The following KIRREL3 variants were observed in gnomAD, a reference collection of about 807,000 sequenced individuals.
The protein encoded by KIRREL3 is kirre like nephrin family adhesion molecule 3.
Under a neutral mutation model 89.7 loss-of-function variants are expected in KIRREL3, and 36 were observed. The observed-to-expected ratio is 0.40, with a 90% CI of 0.31 to 0.53. The LOEUF (loss-of-function observed/expected upper bound fraction) is 0.53, where lower values mean the gene tolerates loss of function less well. KIRREL3 is among the 20% of genes least tolerant of loss of function. KIRREL3 has a pLI of 0.49. For missense variants in KIRREL3, 864 were observed against 1,056.6 expected, an observed-to-expected ratio of 0.82 and a Z score of 2.53; for synonymous variants, 445 against 441.4, an observed-to-expected ratio of 1.01 and a Z score of -0.10.
At position 126,647,818 on chromosome 11, in the gene KIRREL3, G is replaced by A. The variant is rs574017879; in HGVS notation, c.56-84906C>T. On this transcript the variant is annotated intron_variant, in intron 1 of 16. Transcript: ENST00000525144. This position sits in a 1 kb window ranked among gnomAD's most constrained non-coding sequence, Gnocchi z 4.9. ...AGGGAGCCGTTCCTTTGTTCAGAAC[G>A]GTGCAGAGCATTCCATCTCACTGAG... Among the ~76,000 whole-genome samples, 177 of 152,266 alleles carry A rather than the reference G, an allele frequency of 1.2e-3. 1 individual carries two copies. The highest frequency in any genetic ancestry group is 4.2e-3 in the African/African-American group (174 of 41,550).
chr11:126,519,272 C>T lies in KIRREL3; in HGVS notation c.433+2043G>A, dbSNP rs1391580904. Among the ~76,000 whole-genome samples, 2 of 152,190 alleles carry T rather than the reference C, an allele frequency of 1.3e-5. No homozygotes were observed. The highest frequency in any genetic ancestry group is 2.9e-5 in the Non-Finnish European group (2 of 68,026). On this transcript the variant is annotated intron_variant, in intron 4 of 16. Coordinates refer to ENST00000525144, the MANE Select transcript of KIRREL3 (RefSeq NM_032531.4). This position sits in a 1 kb window ranked among gnomAD's most constrained non-coding sequence, Gnocchi z 4.3. ...CCCTGCTCTGAGAAGCCTGGCCCCT[C>T]ACCAGCCAGACAGATGAGATGCTGC... is the stretch of plus-strand genomic sequence containing the variant.
intron 11 of KIRREL3, 46 bp downstream of exon 11, chr11:126,440,403 T>C (rs1955514555): frequency 5.3e-6 from 8 of 1,520,818 alleles, no homozygotes; most frequent in Admixed American, 2.0e-5. Context: ...AAAGTGACTG[T>C]TGGGCTGCTG....
At chr11:126,649,331 A>G (rs1357800210) in intron 1 of KIRREL3, among the ~76,000 whole-genome samples, 1 of 152,108 alleles carries the variant, frequency 6.6e-6, no homozygotes. Context: ...TCAGTCCCCC[A>G]AATTCTTAAC....
At chr11:126,851,636 A>G (rs1486900275) in intron 1 of KIRREL3, among the ~76,000 whole-genome samples, 2 of 151,976 alleles carry the variant, frequency 1.3e-5, no homozygotes, top group African/African-American at 4.8e-5. Context: ...ACCAAGACCA[A>G]GGTGTCTTTA....
At chr11:126,661,216 T>A (rs1240348635) in intron 1 of KIRREL3, among the ~76,000 whole-genome samples, 1 of 152,190 alleles carries the variant, frequency 6.6e-6, no homozygotes, top group African/African-American at 2.4e-5. Flanking sequence ...AGACACTGTG[T>A]CTCAGAAAAA....
Position 126,965,690 on chromosome 11 carries a change from T to A in KIRREL3, c.55+34765A>T, listed in dbSNP as rs1487853296. Among the ~76,000 whole-genome samples the A allele has an allele frequency of 6.6e-6, 1 of 152,222 alleles. No individual in the cohort carries two copies. Among genetic ancestry groups the A allele is most frequent in the Non-Finnish European group, 1.5e-5 (1 of 68,042 alleles). On this transcript the variant is annotated intron_variant, in intron 1 of 16. Transcript: ENST00000525144. This position sits in a 1 kb window ranked among gnomAD's most constrained non-coding sequence, Gnocchi z 4.4. ...AATCGAAACCTCAGCCAAAAGAAGA[T>A]CAATAAATATTATTTCCTTCTGACT...
rs758962883 is a variant in KIRREL3, at chr11:126,601,803, G to A, written c.56-38891C>T. 1.3e-5 allele frequency among the ~76,000 whole-genome samples: 2 copies of A among 152,142 alleles called. No individual in the cohort carries two copies. The highest frequency in any genetic ancestry group is 2.9e-5 in the Non-Finnish European group (2 of 68,038). On this transcript the variant is annotated intron_variant, in intron 1 of 16. Transcript: ENST00000525144. The surrounding 1 kb of genome is among the most constrained non-coding windows in gnomAD (Gnocchi z 5.8). ...CCATCCCCTGCCGCGTCCATTTCTA[G>A]GAGCTCCATTCCCTCGTGCCATCTC...
intron 6 of KIRREL3, among the ~76,000 whole-genome samples, chr11:126,457,583 T>G (rs916201436): frequency 2.0e-5 from 3 of 151,634 alleles, no homozygotes; most frequent in Non-Finnish European, 2.9e-5. Context: ...GGGAGAGACA[T>G]GGGCAGAGAG....
intron 1 of KIRREL3, among the ~76,000 whole-genome samples, chr11:126,718,073 A>G (rs900423601): frequency 2.6e-5 from 4 of 152,260 alleles, no homozygotes; most frequent in African/African-American, 9.6e-5. Context: ...TGGGTAAGAG[A>G]TTCAATGATC....
intron 1 of KIRREL3, among the ~76,000 whole-genome samples, chr11:126,700,031 A>C (rs1034273825): frequency 6.6e-6 from 1 of 152,110 alleles, no homozygotes; most frequent in Non-Finnish European, 1.5e-5. Context: ...CCATCTTTAC[A>C]AAAAATAAAA....
At chr11:126,596,746 A>G (rs370834125) in intron 1 of KIRREL3, among the ~76,000 whole-genome samples, 3 of 152,352 alleles carry the variant, frequency 2.0e-5, no homozygotes, top group East Asian at 3.9e-4. Context: ...TCTTGAGCCC[A>G]GCTTTCTTCT....
intron 1 of KIRREL3, among the ~76,000 whole-genome samples, chr11:126,626,051 A>C (rs567545701): frequency 6.6e-6 from 1 of 152,234 alleles, no homozygotes; most frequent in Non-Finnish European, 1.5e-5. Context: ...CACTGAATGG[A>C]TGAATGGATT....
rs1412711529 is a variant in KIRREL3 at position 126,612,147 on chromosome 11, A to G, written c.56-49235T>C. Among the ~76,000 whole-genome samples the G allele has an allele frequency of 6.6e-6, 1 of 152,102 alleles. No individual in the cohort carries two copies. Among genetic ancestry groups the G allele is most frequent in the Non-Finnish European group, 1.5e-5 (1 of 68,026 alleles). ...CTCCAAGAGGGCAAGGAGTGTGTCT[A>G]TTTGTTCACTACAGTATTATATGAA... On this transcript the variant is annotated intron_variant, in intron 1 of 16. Transcript: ENST00000525144. The surrounding 1 kb of genome is among the most constrained non-coding windows in gnomAD (Gnocchi z 4.5).
intron 1 of KIRREL3, among the ~76,000 whole-genome samples, chr11:126,598,121 T>G (rs1435219850): frequency 6.6e-6 from 1 of 152,266 alleles, no homozygotes; most frequent in Non-Finnish European, 1.5e-5. Context: ...CGCCAATGTC[T>G]GAAGAGCGGG....
At position 126,981,858 on chromosome 11, in the gene KIRREL3, C is replaced by A. The variant is rs1949730680; in HGVS notation, c.55+18597G>T. 6.6e-6 allele frequency among the ~76,000 whole-genome samples: 1 copy of A among 152,194 alleles called. No homozygotes were observed. The highest frequency in any genetic ancestry group is 1.5e-5 in the Non-Finnish European group (1 of 68,032). On this transcript the variant is annotated intron_variant, in intron 1 of 16. Transcript: ENST00000525144. The surrounding 1 kb of genome is among the most constrained non-coding windows in gnomAD (Gnocchi z 4.2). ...TCTGAGCTTCTGTAGCACACACTCC[C>A]TTGCTTGGGGGCTCTGCTGGGATGA...
rs1394907170 is a variant in KIRREL3, at chr11:126,791,840, C to T, written c.55+208615G>A. On this transcript the variant is annotated intron_variant, in intron 1 of 16. Coordinates refer to ENST00000525144, the MANE Select transcript of KIRREL3 (RefSeq NM_032531.4). This position sits in a 1 kb window ranked among gnomAD's most constrained non-coding sequence, Gnocchi z 4.8. Reference sequence around the variant, plus strand: ...AGTTGTGGGGCTGTAGGGGCGGTTTCTCAGAGTGTGAGGTATGGGAATGTG... The same window carrying T: ...AGTTGTGGGGCTGTAGGGGCGGTTTTTCAGAGTGTGAGGTATGGGAATGTG... Among the ~76,000 whole-genome samples the T allele has an allele frequency of 6.6e-6, 1 of 152,168 alleles. No individual in the cohort carries two copies. The highest frequency in any genetic ancestry group is 2.4e-5 in the African/African-American group (1 of 41,440).
intron 8 of KIRREL3, among the ~76,000 whole-genome samples, 171 bp from the exon 9 acceptor site, chr11:126,447,057 G>T (rs1191471524): frequency 6.6e-6 from 1 of 152,186 alleles, no homozygotes; most frequent in Non-Finnish European, 1.5e-5. Context: ...CGGGGTCTGG[G>T]ATCTGGGAGT....
At chr11:126,749,261 C>G (rs1378626392) in intron 1 of KIRREL3, among the ~76,000 whole-genome samples, 2 of 152,186 alleles carry the variant, frequency 1.3e-5, no homozygotes, top group African/African-American at 4.8e-5. Flanking sequence ...TGAGCCGGAT[C>G]CTTTCTCAAC....
At chr11:126,604,817 C>T (rs1048677889) in intron 1 of KIRREL3, among the ~76,000 whole-genome samples, 7 of 152,178 alleles carry the variant, frequency 4.6e-5, no homozygotes, top group African/African-American at 1.2e-4. Flanking sequence ...AGAGAAGCAA[C>T]GCTAGACTCA....
Sources: gnomAD v4.1 joint callset for allele counts (sites outside exome capture counted in the v4.1 genomes callset) on GRCh38, gnomAD v4.1.1 for gene constraint, Gnocchi (gnomAD v3.1) non-coding constraint, MANE v1.5 for transcripts, NCBI Gene and HGNC (gene_info 2026-07-23, HGNC 2026-07-21) for gene names.